ADGRB1: variants seen among roughly 807,000 people sequenced by gnomAD.
ADGRB1 encodes brain-specific angiogenesis inhibitor 1.
A neutral mutation model predicts 175.7 loss-of-function variants in ADGRB1; 36 were observed. That is an observed-to-expected ratio of 0.20 (90% CI 0.16 to 0.27). The LOEUF (loss-of-function observed/expected upper bound fraction) is 0.27, where lower values mean the gene tolerates loss of function less well. Ranked by LOEUF, ADGRB1 falls within the 10% of genes least tolerant of loss-of-function variation. ADGRB1 has a pLI of 1.00. For missense variants in ADGRB1, 1,731 were observed against 2,255.3 expected, an observed-to-expected ratio of 0.77 and a Z score of 4.71; for synonymous variants, 1,054 against 979.4, an observed-to-expected ratio of 1.08 and a Z score of -1.42.
At position 142,477,486 on chromosome 8, in the gene ADGRB1, G is replaced by C; in HGVS notation, c.1324G>C (p.Gly442Arg). 6.2e-7 allele frequency: 1 copy of C among 1,613,126 alleles called. No homozygotes were observed. The highest frequency in any genetic ancestry group is 2.2e-5 in the East Asian group (1 of 44,886). The change falls in exon 6 of 31, where the codon GGG becomes CGG. Residue 442 changes from glycine to arginine, a missense_variant. Physicochemically the swap from Gly to Arg is moderately radical, Grantham distance 125. Around this residue, in one of 8 missense-constraint regions of ADGRB1, gnomAD observed 388 missense variants for 630.9 expected, o/e 0.61. Transcript: ENST00000517894. ...GCGCACCTGCAGGCCCCCCCAGTTT[G>C]GGGGCAACCCCTGTGAGGGCCCTGA... ...RTRTCRPPQF[G>R]GNPCEGPEKQ...
chr8:142,516,072 C>T (rs1011223699), intron 18 of ADGRB1, among the ~76,000 whole-genome samples: 1 of 152,196 alleles, frequency 6.6e-6, no homozygotes, highest in African/African-American at 2.4e-5. Flanking sequence ...AGCCGTGGCA[C>T]CTGGTACACT....
In ADGRB1 at chr8:142,476,620, C is replaced by T. The variant is rs1427856851; in HGVS notation, c.982C>T (p.Arg328Trp). ...GRTSSRSQSLRSTDARRREEL... is the reference protein window; with the variant it reads ...GRTSSRSQSLWSTDARRREEL... ...CACCAGCTCCCGGAGCCAGTCCCTGCGGTCCACAGATGCCCGGCGGCGCGA... is the reference window on the plus strand; with the variant it reads ...CACCAGCTCCCGGAGCCAGTCCCTGTGGTCCACAGATGCCCGGCGGCGCGA... Residue 328 changes from arginine (R) to tryptophan (W), a missense_variant, in exon 4 of 31, where the codon CGG becomes TGG. Arg to Trp is a moderately radical substitution (Grantham distance 101). This residue lies in a region of ADGRB1 where 178 missense variants were observed against 227.8 expected (regional missense o/e 0.78). Transcript: ENST00000517894. The T allele has an allele frequency of 1.3e-6, 2 of 1,548,794 alleles. No individual in the cohort carries two copies. The highest frequency in any genetic ancestry group is 1.7e-6 in the Non-Finnish European group (2 of 1,146,418).
chr8:142,468,696 C>T (rs1409154985), intron 2 of ADGRB1, among the ~76,000 whole-genome samples: 1 of 152,218 alleles, frequency 6.6e-6, no homozygotes, highest in Non-Finnish European at 1.5e-5. Flanking sequence ...CCGCAGGGCT[C>T]CCGCCTTCCA....
rs569597727 is a variant in ADGRB1, at chr8:142,483,997, C to T, written c.2151C>T (p.Ser717=). 1 of 1,613,412 alleles carries T rather than the reference C, an allele frequency of 6.2e-7. No homozygotes were observed. The highest frequency in any genetic ancestry group is 1.1e-5 in the South Asian group (1 of 90,972). Residue 717 remains serine, a synonymous_variant, in exon 12 of 31, where the codon AGC becomes AGT. Coordinates refer to ENST00000517894, the MANE Select transcript of ADGRB1 (RefSeq NM_001702.3). ...TCCAGAACTTTGTCCAGATCCTTAG[C>T]AACCTGTTGGCAGAGGAGAATCGGG... ...GDVQNFVQIL[S]NLLAEENRDK...
intron 17 of ADGRB1, among the ~76,000 whole-genome samples, chr8:142,495,946 G>T (rs957604040): frequency 6.6e-6 from 1 of 150,834 alleles, no homozygotes; most frequent in Admixed American, 6.6e-5. Context: ...TGGATAGGTG[G>T]GTGGGTGGAT....
At chr8:142,512,042 T>G (rs1198820806) in intron 18 of ADGRB1, among the ~76,000 whole-genome samples, 1 of 152,230 alleles carries the variant, frequency 6.6e-6, no homozygotes, top group Non-Finnish European at 1.5e-5. Flanking sequence ...CCTGGCTGTG[T>G]TCTCTGGAAA....
chr8:142,537,014 G>C lies in ADGRB1; in HGVS notation c.3598G>C (p.Val1200Leu). 6.3e-7 allele frequency: 1 copy of C among 1,593,910 alleles called. No homozygotes were observed. Among genetic ancestry groups the C allele is most frequent in the Non-Finnish European group, 8.5e-7 (1 of 1,170,702 alleles). Reference sequence around the variant, plus strand: ...CCAGGACGCTGTGAAATGCCGTGTGGTTGACCGGCAGGAGGAGGGCAACGG... The same window carrying C: ...CCAGGACGCTGTGAAATGCCGTGTGCTTGACCGGCAGGAGGAGGGCAACGG... ...EVQDAVKCRV[V>L]DRQEEGNGDS... is the part of the protein sequence containing the mutation. Residue 1200 changes from valine (V) to leucine (L), a missense_variant, in exon 26 of 31, where the codon GTT becomes CTT. Val to Leu is a conservative substitution (Grantham distance 32). This residue lies in a region of ADGRB1 where 301 missense variants were observed against 488.4 expected (regional missense o/e 0.62). Coordinates refer to ENST00000517894, the MANE Select transcript of ADGRB1 (RefSeq NM_001702.3). This position sits in a 1 kb window ranked among gnomAD's most constrained non-coding sequence, Gnocchi z 4.6.
chr8:142,451,411 C>T (rs1051492681), intron 1 of ADGRB1, among the ~76,000 whole-genome samples: 1 of 152,170 alleles, frequency 6.6e-6, no homozygotes. Flanking sequence ...AGCCCTAAGC[C>T]AGCCCTCTTT....
intron 22 of ADGRB1, 45 bp from the exon 23 acceptor site, chr8:142,524,193 G>A (rs745328664): frequency 1.1e-5 from 18 of 1,571,008 alleles, no homozygotes; most frequent in Admixed American, 5.3e-5. Flanking sequence ...CTCTCTGCAC[G>A]CCCCTCTGCA....
intron 17 of ADGRB1, among the ~76,000 whole-genome samples, chr8:142,502,111 G>C (rs1319520681): frequency 1.0e-5 from 1 of 99,926 alleles, no homozygotes; most frequent in Non-Finnish European, 2.2e-5. Flanking sequence ...TTTGATGACG[G>C]AGGTGAGGTG....
chr8:142,480,899 G>A (rs989740592), intron 9 of ADGRB1, among the ~76,000 whole-genome samples: 4 of 152,166 alleles, frequency 2.6e-5, no homozygotes, highest in Non-Finnish European at 4.4e-5. Context: ...CCAGGCAGGG[G>A]CCCAGGGTGC....
At position 142,544,185 on chromosome 8, in the gene ADGRB1, G is replaced by T. The variant is rs369166320; in HGVS notation, c.4558-35G>T. 213 of 1,545,154 alleles carry T rather than the reference G, an allele frequency of 1.4e-4. No homozygotes were observed. The African/African-American group carries it at 2.6e-3, about 19-fold the overall frequency. ...CTCGGGCTCATGGCTCTCCCTCCGGGCCCCACCCCTCCTGCACCACGGGCC... is the reference window on the plus strand; with the variant it reads ...CTCGGGCTCATGGCTCTCCCTCCGGTCCCCACCCCTCCTGCACCACGGGCC... On this transcript the variant is annotated intron_variant, in intron 30 of 30. Coordinates refer to ENST00000517894, the MANE Select transcript of ADGRB1 (RefSeq NM_001702.3).
chr8:142,488,973 T>C, intron 14 of ADGRB1, 62 bp from the exon 15 acceptor site: 1 of 1,566,872 alleles, frequency 6.4e-7, no homozygotes, highest in South Asian at 1.2e-5. Context: ...CAGGCCAGGC[T>C]GCCAAGTCCC....
rs749292630 is a variant in ADGRB1 at position 142,533,418 on chromosome 8, G to C, written c.3522G>C (p.Ser1174=). 1 of 1,612,252 alleles carries C rather than the reference G, an allele frequency of 6.2e-7. No homozygotes were observed. The highest frequency in any genetic ancestry group is 2.2e-5 in the East Asian group (1 of 44,876). Residue 1174 remains serine (S), a synonymous_variant, in exon 25 of 31, where the codon TCG becomes TCC. Coordinates refer to ENST00000517894, the MANE Select transcript of ADGRB1 (RefSeq NM_001702.3). ...AGATCCTCTTCGCTGTCTTCGACTC[G>C]CTGGAGGGCTTCGTCATCGTCATGG... ...LFQILFAVFD[S]LEGFVIVMVH... is the part of the protein sequence containing the mutation.
intron 21 of ADGRB1, 146 bp from the exon 22 acceptor site, chr8:142,522,495 G>GC (rs1843910517): frequency 5.0e-6 from 4 of 801,168 alleles, no homozygotes; most frequent in Non-Finnish European, 7.7e-6. Context: ...TTCACCTCCT[G>GC]CCCCATCTCT....
chr8:142,515,298 G>T (rs974221272), intron 18 of ADGRB1, among the ~76,000 whole-genome samples: 1 of 152,344 alleles, frequency 6.6e-6, no homozygotes, highest in Admixed American at 6.5e-5. Context: ...TCCCCTCGGC[G>T]TGAGTTGAGG....
rs1414766892 is a variant in ADGRB1, at chr8:142,455,841, C to T, written c.-220+5737C>T. On this transcript the variant is annotated intron_variant, in intron 1 of 30. Coordinates refer to ENST00000517894, the MANE Select transcript of ADGRB1 (RefSeq NM_001702.3). This position sits in a 1 kb window ranked among gnomAD's most constrained non-coding sequence, Gnocchi z 4.9. The stretch of plus-strand genomic sequence containing the variant: ...ACACCCCACCCCCGACCACCGGGCC[C>T]TGGGGGCACACGGTTGGTCTTTGGG... Among the ~76,000 whole-genome samples, 1 of 152,190 alleles carries T rather than the reference C, an allele frequency of 6.6e-6. No individual in the cohort carries two copies. Among genetic ancestry groups the T allele is most frequent in the Non-Finnish European group, 1.5e-5 (1 of 68,030 alleles).
At chr8:142,497,379 C>T (rs944173072) in intron 17 of ADGRB1, among the ~76,000 whole-genome samples, 2 of 152,056 alleles carry the variant, frequency 1.3e-5, no homozygotes, top group Admixed American at 1.3e-4. Flanking sequence ...GGGGGCAGGC[C>T]AAGGGGGGGG....
chr8:142,476,594 G>T lies in ADGRB1; in HGVS notation c.956G>T (p.Arg319Leu), dbSNP rs1020704244. 14 of 1,548,534 alleles carry T rather than the reference G, an allele frequency of 9.0e-6. No individual in the cohort carries two copies. Among genetic ancestry groups the T allele is most frequent in the African/African-American group, 2.7e-5 (2 of 72,996 alleles). ...TAAGCCCGTCCTGCAGCCGCTGGGC[G>T]CACCAGCTCCCGGAGCCAGTCCCTG... The part of the protein sequence containing the change: ...CNREACGPAG[R>L]TSSRSQSLRS... The change falls in exon 4 of 31, where the codon CGC (arginine) becomes CTC (leucine). Residue 319 changes from arginine (R) to leucine (L), a missense_variant. Arg to Leu is a moderately radical substitution (Grantham distance 102). Transcript: ENST00000517894.
Sources: allele counts gnomAD v4.1 joint callset (sites outside exome capture counted in the v4.1 genomes callset), GRCh38; gene constraint gnomAD v4.1.1; regional missense constraint gnomAD v4.1.1; non-coding constraint Gnocchi (gnomAD v3.1); transcripts MANE v1.5; gene names NCBI Gene and HGNC (gene_info 2026-07-23, HGNC 2026-07-21).